GRID2: variants seen among roughly 807,000 people sequenced by gnomAD.
GRID2 encodes glutamate receptor ionotropic, delta-2.
A neutral mutation model predicts 114.8 loss-of-function variants in GRID2; 33 were observed. The observed-to-expected ratio is 0.29, with a 90% CI of 0.22 to 0.38. The LOEUF is 0.38. GRID2 is among the 10% of genes least tolerant of loss of function. The probability of loss-of-function intolerance (pLI) is 1.00; values close to 1 mark genes in which losing one functional copy is unlikely to be tolerated. For synonymous variants in GRID2, 505 were observed against 449.9 expected (o/e 1.12, Z -1.55); for missense variants, 1,184 against 1,257.7 (o/e 0.94, Z 0.89).
At chr4:93,595,130 G>T (rs1738941041) in intron 13 of GRID2, among the ~76,000 whole-genome samples, 1 of 152,116 alleles carries the variant, frequency 6.6e-6, no homozygotes, top group African/African-American at 2.4e-5. Flanking sequence ...AAACAATGGT[G>T]ACCTCCAGGC....
intron 14 of GRID2, among the ~76,000 whole-genome samples, chr4:93,753,035 A>G (rs1732461474): frequency 6.6e-6 from 1 of 152,172 alleles, no homozygotes; most frequent in Non-Finnish European, 1.5e-5. Flanking sequence ...ATAAATAGTT[A>G]TCACTGATTC....
chr4:93,134,896 C>T (rs1323528405), intron 4 of GRID2, among the ~76,000 whole-genome samples: 3 of 152,082 alleles, frequency 2.0e-5, no homozygotes, highest in East Asian at 3.9e-4. Flanking sequence ...CGCTGTTTGG[C>T]GTATTGAAAC....
At chr4:93,664,600 C>T (rs28553898) in intron 14 of GRID2, among the ~76,000 whole-genome samples, 88,281 of 151,988 alleles carry the variant, frequency 0.58, 27,579 homozygotes, top group African/African-American at 0.83. Flanking sequence ...AAGGGTAGAG[C>T]TGTCATCTAA....
chr4:92,893,703 G>C (rs1746960439), intron 2 of GRID2, among the ~76,000 whole-genome samples: 1 of 152,084 alleles, frequency 6.6e-6, no homozygotes, highest in South Asian at 2.1e-4. Context: ...CTGTGCCACA[G>C]CTGGCACAGG....
intron 8 of GRID2, among the ~76,000 whole-genome samples, chr4:93,356,569 CA>C (rs1252288479): frequency 6.6e-6 from 1 of 151,820 alleles, no homozygotes; most frequent in African/African-American, 2.4e-5. Flanking sequence ...CTCTCCTAAT[CA>C]TAAAGGCATT....
At chr4:93,096,757 T>C (rs975903239) in intron 3 of GRID2, among the ~76,000 whole-genome samples, 1 of 151,968 alleles carries the variant, frequency 6.6e-6, no homozygotes, top group African/African-American at 2.4e-5. Context: ...GGAGAGCTGT[T>C]TGGCAATTTT....
In GRID2 at chr4:92,695,687, G is replaced by A. The variant is rs186531681; in HGVS notation, c.244+105401G>A. Among the ~76,000 whole-genome samples, 6 of 151,978 alleles carry A rather than the reference G, an allele frequency of 3.9e-5. No homozygotes were observed. The East Asian group carries it at 9.7e-4, about 25-fold the overall frequency. On this transcript the variant is annotated intron_variant, in intron 2 of 15. Transcript: ENST00000282020. ...TACTGTATCTATTACTTTTTGTTTT[G>A]TAATCTCCTCTTTTCCTATGTTCAT... is the stretch of plus-strand genomic sequence containing the variant.
At chr4:92,422,743 C>T (rs1046101006) in intron 1 of GRID2, among the ~76,000 whole-genome samples, 1 of 152,056 alleles carries the variant, frequency 6.6e-6, no homozygotes, top group Non-Finnish European at 1.5e-5. Flanking sequence ...TTGTAGCCTC[C>T]AGCTGCATTA....
intron 2 of GRID2, among the ~76,000 whole-genome samples, chr4:92,709,589 A>AATATATATATATATATATATATATATAT (rs1553919235): frequency 8.7e-6 from 1 of 114,660 alleles, no homozygotes; most frequent in African/African-American, 3.4e-5. Context: ...AAAAAAAAAA[A>AATATATATATATATATATATATATATAT]ATATATATAT....
At chr4:93,463,972 C>T (rs548546468) in intron 11 of GRID2, among the ~76,000 whole-genome samples, 1 of 151,754 alleles carries the variant, frequency 6.6e-6, no homozygotes, top group Non-Finnish European at 1.5e-5. Flanking sequence ...CTGGGCGACA[C>T]AGCAAGACTC....
At chr4:93,564,487 T>C (rs553460027) in intron 13 of GRID2, among the ~76,000 whole-genome samples, 1 of 151,984 alleles carries the variant, frequency 6.6e-6, no homozygotes, top group Non-Finnish European at 1.5e-5. Context: ...AAAAGTAGTA[T>C]GACATTTGGC....
intron 2 of GRID2, chr4:92,822,167 G>C: frequency 5.1e-6 from 2 of 393,546 alleles, no homozygotes; most frequent in Non-Finnish European, 9.9e-6. Context: ...TGATGCTGAG[G>C]CCTGTGGTAG....
intron 2 of GRID2, among the ~76,000 whole-genome samples, chr4:93,083,090 C>G (rs1006560862): frequency 6.6e-6 from 1 of 151,924 alleles, no homozygotes; most frequent in African/African-American, 2.4e-5. Flanking sequence ...ACTTAATTTC[C>G]TGTAATTAGT....
chr4:93,530,973 T>C (rs1361881407), intron 13 of GRID2, among the ~76,000 whole-genome samples: 1 of 152,152 alleles, frequency 6.6e-6, no homozygotes, highest in East Asian at 1.9e-4. Flanking sequence ...AGTAAAATAA[T>C]TTATAAGAAC....
chr4:92,949,134 G>A (rs906826243), intron 2 of GRID2, among the ~76,000 whole-genome samples: 1 of 149,766 alleles, frequency 6.7e-6, no homozygotes, highest in Non-Finnish European at 1.5e-5. Context: ...CAAAGAAAAT[G>A]TGTGTGTGTG....
At chr4:92,921,471 T>G (rs1749331376) in intron 2 of GRID2, among the ~76,000 whole-genome samples, 1 of 152,160 alleles carries the variant, frequency 6.6e-6, no homozygotes, top group African/African-American at 2.4e-5. Flanking sequence ...TCCTCATCTT[T>G]GTGGTTTTAT....
intron 2 of GRID2, among the ~76,000 whole-genome samples, chr4:92,870,399 G>A (rs146962345): frequency 1.3e-5 from 2 of 151,890 alleles, no homozygotes; most frequent in African/African-American, 4.8e-5. Flanking sequence ...ATGCAGAACA[G>A]GGCTTGGCTT....
chr4:93,427,659 C>T (rs891195429), intron 10 of GRID2, among the ~76,000 whole-genome samples: 9 of 151,856 alleles, frequency 5.9e-5, no homozygotes, highest in Non-Finnish European at 1.3e-4. Flanking sequence ...AACCAGAAGT[C>T]AGTGGTCCAG....
At chr4:93,631,283 T>G (rs1016500418) in intron 14 of GRID2, among the ~76,000 whole-genome samples, 1 of 152,068 alleles carries the variant, frequency 6.6e-6, no homozygotes, top group Non-Finnish European at 1.5e-5. Flanking sequence ...TTGTTACATA[T>G]GTATACATGT....
Sources: allele counts gnomAD v4.1 joint callset (sites outside exome capture counted in the v4.1 genomes callset), GRCh38; gene constraint gnomAD v4.1.1; transcripts MANE v1.5; gene names NCBI Gene and HGNC (gene_info 2026-07-23, HGNC 2026-07-21).